Variants in RND3 observed in about 807,000 individuals in gnomAD.
RND3 encodes the protein Rho family GTPase 3.
In RND3, 8 loss-of-function variants were observed where a neutral mutation model predicts 26.5. The ratio of observed to expected loss-of-function variants is 0.30; its 90% CI spans 0.18 to 0.54. The LOEUF (loss-of-function observed/expected upper bound fraction) is 0.54, where lower values mean the gene tolerates loss of function less well. Ranked by LOEUF, RND3 falls within the 20% of genes least tolerant of loss-of-function variation. The pLI, the probability that RND3 is intolerant of heterozygous loss-of-function variation, is 0.94. For missense variants in RND3, 207 were observed against 302.8 expected, an observed-to-expected ratio of 0.68 and a Z score of 2.35; for synonymous variants, 113 against 113.0, an observed-to-expected ratio of 1.00 and a Z score of 0.00.
At chr2:150,475,184 C>G in intron 3 of RND3, 200 bp from the exon 4 acceptor site, 1 of 466,036 alleles carries the variant, frequency 2.1e-6, no homozygotes, top group Non-Finnish European at 3.9e-6. Flanking sequence ...TCACATGTGT[C>G]TGACATAAAT....
rs1185022587 is a variant in RND3 at position 150,472,016 on chromosome 2, T to C, written c.349-255A>G. Reference sequence around the variant, plus strand: ...CTCTCTGTGACTCATCTGTTGCTACTGAAAGAGACTTGGTAGATGTTGTCC... The same window carrying C: ...CTCTCTGTGACTCATCTGTTGCTACCGAAAGAGACTTGGTAGATGTTGTCC... On this transcript the variant is annotated intron_variant, in intron 4 of 5. Transcript: ENST00000263895. 5 of 398,712 alleles carry C rather than the reference T, an allele frequency of 1.3e-5. No homozygotes were observed. The East Asian group carries it at 1.5e-4, about 12-fold the overall frequency. The allele number at this position is 398,712 out of a possible 1,614,324, so 24.7% of individuals were successfully genotyped here.
rs573460772 is a variant in RND3 at position 150,483,912 on chromosome 2, C to T, written c.238+2782G>A. ...TAAATTCTAACTAAGATTTCATTAC[C>T]GGATAATTTTGCAGTACAAAATTTT... On this transcript the variant is annotated intron_variant, in intron 3 of 5. Coordinates refer to ENST00000263895, the MANE Select transcript of RND3 (RefSeq NM_005168.5). Among the ~76,000 whole-genome samples, 12 of 152,192 alleles carry T rather than the reference C, an allele frequency of 7.9e-5. No individual in the cohort carries two copies. The East Asian group carries it at 1.4e-3, about 17-fold the overall frequency.
At position 150,486,603 on chromosome 2, in the gene RND3, G is replaced by T. The variant is rs1361766317; in HGVS notation, c.238+91C>A. 1.1e-6 allele frequency: 1 copy of T among 912,638 alleles called. No individual in the cohort carries two copies. The highest frequency in any genetic ancestry group is 1.6e-5 in the African/African-American group (1 of 61,632). 56.5% of individuals were successfully genotyped at this position (912,638 alleles called of 1,614,324 possible). A position where few individuals can be genotyped will look rare whatever the true frequency, so the allele number is the denominator to read the frequency against. On this transcript the variant is annotated intron_variant, in intron 3 of 5. Coordinates refer to ENST00000263895, the MANE Select transcript of RND3 (RefSeq NM_005168.5). This position sits in a 1 kb window ranked among gnomAD's most constrained non-coding sequence, Gnocchi z 4.5. Reference sequence around the variant, plus strand: ...GGAATCCCTTGGGAGGGGCGCAGACGGCTTGTAGCGCGCGGTTTCCCGAGA... The same window carrying T: ...GGAATCCCTTGGGAGGGGCGCAGACTGCTTGTAGCGCGCGGTTTCCCGAGA...
rs73967179 is a variant in RND3, at chr2:150,475,008, A to G, written c.239-24T>C. Reference sequence around the variant, plus strand: ...ACCTGAGAAGAAACAAAGACACACAAATTTTCAGATGAGAGTCCCCTTGTC... The same window carrying G: ...ACCTGAGAAGAAACAAAGACACACAGATTTTCAGATGAGAGTCCCCTTGTC... On this transcript the variant is annotated intron_variant, in intron 3 of 5. Transcript: ENST00000263895. 887 of 1,460,298 alleles carry G rather than the reference A, an allele frequency of 6.1e-4. 5 individuals carry two copies. The African/African-American group carries it at 0.011, about 18-fold the overall frequency. 90.5% of individuals were successfully genotyped at this position (1,460,298 alleles called of 1,614,324 possible). A position where few individuals can be genotyped will look rare whatever the true frequency, so the allele number is the denominator to read the frequency against.
rs2105224731 is a variant in RND3 at position 150,486,243 on chromosome 2, T to A, written c.238+451A>T. Among the ~76,000 whole-genome samples the A allele has an allele frequency of 6.6e-6, 1 of 152,162 alleles. No homozygotes were observed. Among genetic ancestry groups the A allele is most frequent in the African/African-American group, 2.4e-5 (1 of 41,544 alleles). On this transcript the variant is annotated intron_variant, in intron 3 of 5. Transcript: ENST00000263895. This position sits in a 1 kb window ranked among gnomAD's most constrained non-coding sequence, Gnocchi z 4.5. ...CACGTAACCGCGTCGCCTCTGGGAT[T>A]TTCTCCCGCCTCCCATCACCCCCGC...
chr2:150,477,655 T>C (rs1181501500), intron 3 of RND3, among the ~76,000 whole-genome samples: 1 of 152,174 alleles, frequency 6.6e-6, no homozygotes, highest in Non-Finnish European at 1.5e-5. Context: ...TATCTAAATA[T>C]CTGCAAAATT....
chr2:150,481,612 C>A (rs1044240138), intron 3 of RND3, among the ~76,000 whole-genome samples: 1 of 152,122 alleles, frequency 6.6e-6, no homozygotes, highest in African/African-American at 2.4e-5. Flanking sequence ...CTCTGTACTC[C>A]TCCCATAGCA....
At position 150,468,261 on chromosome 2, in the gene RND3, G is replaced by A. The variant is rs1047903841; in HGVS notation, c.*1726C>T. On this transcript the variant is annotated 3_prime_UTR_variant, in exon 6 of 6. Transcript: ENST00000263895. ...AAAGTATGTTTTAATAAATACTGCG[G>A]AAACATTGACCAAACAAACATACAC... The A allele has an allele frequency of 1.3e-5, 2 of 152,514 alleles. No individual in the cohort carries two copies. Among genetic ancestry groups the A allele is most frequent in the African/African-American group, 4.8e-5 (2 of 41,402 alleles). 9.4% of individuals were successfully genotyped at this position (152,514 alleles called of 1,614,324 possible).
intron 3 of RND3, among the ~76,000 whole-genome samples, chr2:150,484,223 T>TAC: frequency 6.6e-6 from 1 of 152,226 alleles, no homozygotes; most frequent in East Asian, 1.9e-4. Context: ...TTGTGCTATG[T>TAC]GTGCAGAGTC....
intron 3 of RND3, among the ~76,000 whole-genome samples, chr2:150,477,055 G>C (rs1686181727): frequency 6.6e-6 from 1 of 152,074 alleles, no homozygotes; most frequent in Non-Finnish European, 1.5e-5. Context: ...ATATAAATGA[G>C]AGTTTCCTCT....
rs1209384148 is a variant in RND3 at position 150,487,474 on chromosome 2, A to AATATATATATATATATAT, written c.-38-37_-38-20dup. ...ATTTTCTCTTAAGAAGAAAAAAAAA[A>AATATATATATATATATAT]ATATATATATATATATATATTTCTC... On this transcript the variant is annotated intron_variant, in intron 1 of 5. Transcript: ENST00000263895. 6.8e-4 allele frequency: 136 copies of AATATATATATATATATAT among 200,740 alleles called. No individual in the cohort carries two copies. The highest frequency in any genetic ancestry group is 7.5e-4 in the Non-Finnish European group (86 of 114,634). The allele number at this position is 200,740 out of a possible 1,614,324, so 12.4% of individuals were successfully genotyped here. A position where few individuals can be genotyped will look rare whatever the true frequency, so the allele number is the denominator to read the frequency against.
intron 3 of RND3, among the ~76,000 whole-genome samples, chr2:150,483,567 A>G (rs139413215): frequency 0.018 from 2,676 of 152,350 alleles, 38 homozygotes; most frequent in South Asian, 0.03. Flanking sequence ...TTATTTTTAC[A>G]ATCTGAACTA....
intron 3 of RND3, 69 bp from the exon 4 acceptor site, chr2:150,475,053 C>T: frequency 1.1e-6 from 1 of 916,504 alleles, no homozygotes; most frequent in South Asian, 1.4e-5. Flanking sequence ...TTAACTCTAC[C>T]CTTTCCGGCT....
chr2:150,487,175 T>C, intron 2 of RND3, 93 bp downstream of exon 2: 2 of 887,160 alleles, frequency 2.3e-6, no homozygotes, highest in Non-Finnish European at 3.2e-6. Context: ...TTTTTTTTTT[T>C]AAGGGAAAAC....
intron 3 of RND3, among the ~76,000 whole-genome samples, chr2:150,479,241 G>A (rs973139840): frequency 2.0e-5 from 3 of 152,094 alleles, no homozygotes; most frequent in African/African-American, 7.2e-5. Flanking sequence ...GTCACAACGT[G>A]CCTCACCCAG....
intron 3 of RND3, among the ~76,000 whole-genome samples, chr2:150,478,578 GCAAA>G (rs1323400451): frequency 1.3e-5 from 1 of 74,172 alleles, no homozygotes; most frequent in Non-Finnish European, 2.5e-5. Context: ...AAGCCAAACG[GCAAA>G]AAAAAAAAAA....
chr2:150,483,953 A>G (rs777432229), intron 3 of RND3, among the ~76,000 whole-genome samples: 39 of 152,354 alleles, frequency 2.6e-4, no homozygotes, highest in Non-Finnish European at 4.7e-4. Context: ...TCACATTTTC[A>G]AACCTTTATA....
intron 3 of RND3, among the ~76,000 whole-genome samples, chr2:150,483,971 T>A (rs1182118306): frequency 6.6e-6 from 1 of 152,250 alleles, no homozygotes; most frequent in Non-Finnish European, 1.5e-5. Flanking sequence ...ATATTTTAGT[T>A]AAACATACAT....
rs999839485 is a variant in RND3, at chr2:150,484,277, G to A, written c.238+2417C>T. Among the ~76,000 whole-genome samples, 7 of 152,362 alleles carry A rather than the reference G, an allele frequency of 4.6e-5. 1 individual carries two copies. The highest frequency in any genetic ancestry group is 6.8e-3 in the Middle Eastern group (2 of 294). On this transcript the variant is annotated intron_variant, in intron 3 of 5. Coordinates refer to ENST00000263895, the MANE Select transcript of RND3 (RefSeq NM_005168.5). ...GATTAAATGCATGAAGATACCTGAA[G>A]TGGTATTTACCTGCACATACGAAGG...
Sources: gnomAD v4.1 joint callset for allele counts (sites outside exome capture counted in the v4.1 genomes callset) on GRCh38, gnomAD v4.1.1 for gene constraint, Gnocchi (gnomAD v3.1) non-coding constraint, MANE v1.5 for transcripts, NCBI Gene and HGNC (gene_info 2026-07-23, HGNC 2026-07-21) for gene names.